TTC8: variants seen among roughly 807,000 people sequenced by gnomAD.
TTC8 encodes the protein tetratricopeptide repeat domain 8, also known as tetratricopeptide repeat protein 8.
A neutral mutation model predicts 72.5 loss-of-function variants in TTC8; 47 were observed. The observed-to-expected ratio is 0.65, with a 90% CI of 0.51 to 0.83. The LOEUF (loss-of-function observed/expected upper bound fraction) is 0.83. Ranked by LOEUF, TTC8 falls within the 40% of genes least tolerant of loss-of-function variation. The pLI, the probability that TTC8 is intolerant of heterozygous loss-of-function variation, is 0.00. For synonymous variants in TTC8, 199 were observed against 221.4 expected, an observed-to-expected ratio of 0.90 and a Z score of 0.90; for missense variants, 611 against 623.2, an observed-to-expected ratio of 0.98 and a Z score of 0.21.
downstream of TTC8, chr14:88,878,066 A>G (rs2094964057): frequency 6.6e-6 from 1 of 152,194 alleles, no homozygotes; most frequent in Non-Finnish European, 1.5e-5. Context: ...CAGTAATCTT[A>G]GAAATCATCA....
chr14:88,829,598 A>G (rs779111890), intron 1 of TTC8, among the ~76,000 whole-genome samples: 47 of 152,244 alleles, frequency 3.1e-4, no homozygotes, highest in Non-Finnish European at 1.3e-4. Flanking sequence ...TTTTCAGATT[A>G]TTAAAATCGG....
downstream of TTC8, chr14:88,878,558 C>T (rs1038340551): frequency 2.6e-5 from 4 of 152,256 alleles, no homozygotes; most frequent in East Asian, 1.9e-4. Flanking sequence ...AGCAAGGCCC[C>T]GCGTCACATC....
rs11159872 is a variant in TTC8 at position 88,826,246 on chromosome 14, C to G, written c.114+1425C>G. On this transcript the variant is annotated intron_variant, in intron 1 of 14. Coordinates refer to ENST00000380656, the MANE Select transcript of TTC8 (RefSeq NM_144596.4). ...CTCGTGATCCGTCTGCCTCGGCCTC[C>G]CAAAGTGTTGGGATTACAGGCATGA... is the stretch of plus-strand genomic sequence containing the variant. Among the ~76,000 whole-genome samples, 1,281 of 151,758 alleles carry G rather than the reference C, an allele frequency of 8.4e-3. 26 individuals are homozygous for G. Among genetic ancestry groups the G allele is most frequent in the African/African-American group, 0.029 (1,202 of 41,414 alleles).
intron 7 of TTC8, among the ~76,000 whole-genome samples, chr14:88,848,861 G>A (rs2094820654): frequency 6.6e-6 from 1 of 151,998 alleles, no homozygotes; most frequent in African/African-American, 2.4e-5. Flanking sequence ...TGGTACTAAC[G>A]GAGATTAAGT....
intron 10 of TTC8, among the ~76,000 whole-genome samples, chr14:88,863,876 C>G (rs1342659710): frequency 1.3e-5 from 2 of 152,050 alleles, no homozygotes; most frequent in African/African-American, 4.8e-5. Flanking sequence ...GTTCATAGGT[C>G]CTCTTGGATA....
At chr14:88,860,654 G>A (rs1418548465) in intron 9 of TTC8, among the ~76,000 whole-genome samples, 2 of 152,092 alleles carry the variant, frequency 1.3e-5, no homozygotes, top group Non-Finnish European at 2.9e-5. Flanking sequence ...TTCTTGTCTA[G>A]TTACTATTGC....
chr14:88,875,381 C>G (rs962083328), intron 14 of TTC8, among the ~76,000 whole-genome samples: 9 of 152,118 alleles, frequency 5.9e-5, no homozygotes, highest in African/African-American at 2.2e-4. Context: ...TGAAGAAATA[C>G]TCACTTAATA....
Position 88,857,178 on chromosome 14 carries a change from TG to T in TTC8, c.711-11del. On this transcript the variant is annotated splice_polypyrimidine_tract_variant and intron_variant, in intron 8 of 14. Transcript: ENST00000380656. ...AAGTTGAATGTCTAATTCTTAAAAT[TG>T]CTATTTGTAGGTTGGGAATGTATCG... is the stretch of plus-strand genomic sequence containing the variant. 1.2e-6 allele frequency: 2 copies of T among 1,612,728 alleles called. No homozygotes were observed. Among genetic ancestry groups the T allele is most frequent in the South Asian group, 2.2e-5 (2 of 91,048 alleles).
At chr14:88,853,359 G>C (rs2094842199) in intron 8 of TTC8, among the ~76,000 whole-genome samples, 2 of 152,318 alleles carry the variant, frequency 1.3e-5, no homozygotes, top group East Asian at 3.9e-4. Context: ...GTGAGTAACA[G>C]ACCAGGGACT....
In TTC8 at chr14:88,841,087, C is replaced by A. The variant is rs369803125; in HGVS notation, c.380C>A (p.Thr127Lys). The A allele has an allele frequency of 1.4e-5, 23 of 1,613,988 alleles. No individual in the cohort carries two copies. The South Asian group carries it at 2.5e-4, about 18-fold the overall frequency. ...RPITGFLRPS[T>K]QSGRPGTMEQ... ...ATTACAGGTTTCCTCAGGCCCAGCA[C>A]GCAGAGTGGAAGGCCAGGCACTATG... Residue 127 changes from threonine to lysine, a missense_variant, in exon 5 of 15, where the codon ACG (threonine) becomes AAG (lysine). Transcript: ENST00000380656.
At chr14:88,837,004 C>T in intron 2 of TTC8, 1 of 251,566 alleles carries the variant, frequency 4.0e-6, no homozygotes, top group Non-Finnish European at 8.2e-6. Flanking sequence ...GAGGTTGCAG[C>T]AAGCCGAGAT....
At position 88,861,325 on chromosome 14, in the gene TTC8, T is replaced by C. The variant is rs2094884928; in HGVS notation, c.902T>C (p.Ile301Thr). The change falls in exon 10 of 15, where the codon ATC (isoleucine) becomes ACC (threonine). Residue 301 changes from isoleucine (I) to threonine (T), a missense_variant. Transcript: ENST00000380656. ...EVTLLCGIAR[I>T]YEEMNNMSSA... ...ACCCTGCTCTGTGGAATTGCAAGAA[T>C]CTATGAGGTAATTCATGTTATTATT... 6.3e-7 allele frequency: 1 copy of C among 1,596,858 alleles called. No homozygotes were observed. Among genetic ancestry groups the C allele is most frequent in the Non-Finnish European group, 8.6e-7 (1 of 1,165,330 alleles).
intron 1 of TTC8, among the ~76,000 whole-genome samples, chr14:88,827,747 A>C (rs886343161): frequency 3.3e-5 from 5 of 152,234 alleles, no homozygotes; most frequent in Admixed American, 6.5e-5. Flanking sequence ...CCAAGCTTGA[A>C]GAAATCCTGC....
intron 7 of TTC8, among the ~76,000 whole-genome samples, chr14:88,844,920 T>G (rs1407441059): frequency 6.6e-6 from 1 of 152,082 alleles, no homozygotes; most frequent in African/African-American, 2.4e-5. Flanking sequence ...AATATGATAC[T>G]TTTTCCTGCC....
rs370527710 is a variant in TTC8, at chr14:88,824,795, A to G, written c.88A>G (p.Met30Val). 2.0e-5 allele frequency: 32 copies of G among 1,613,496 alleles called. No homozygotes were observed. Among genetic ancestry groups the G allele is most frequent in the Non-Finnish European group, 2.4e-5 (28 of 1,179,784 alleles). ...GCTCTGCGCCGATCTATGCACGCAG[A>G]TGCTGGAGAAGTCCCCTTATGACCA... ...FQLCADLCTQ[M>V]LEKSPYDQEP... is the part of the protein sequence containing the mutation. Residue 30 changes from methionine to valine, a missense_variant, in exon 1 of 15, where the codon ATG becomes GTG. Physicochemically the swap from Met to Val is conservative, Grantham distance 21 (BLOSUM62 1). Transcript: ENST00000380656.
At chr14:88,869,665 G>T (rs1177259077) in intron 10 of TTC8, among the ~76,000 whole-genome samples, 1 of 151,874 alleles carries the variant, frequency 6.6e-6, no homozygotes, top group Admixed American at 6.6e-5. Context: ...TCTTCCCTCT[G>T]CCCAGAGTGA....
chr14:88,828,812 A>G lies in TTC8; in HGVS notation c.114+3991A>G, dbSNP rs577727431. Among the ~76,000 whole-genome samples, 10 of 152,248 alleles carry G rather than the reference A, an allele frequency of 6.6e-5. No individual in the cohort carries two copies. In the South Asian group the frequency reaches 2.1e-3, roughly 32 times the overall value. On this transcript the variant is annotated intron_variant, in intron 1 of 14. Coordinates refer to ENST00000380656, the MANE Select transcript of TTC8 (RefSeq NM_144596.4). ...TGAGATGAAGGCCACCTCTAAGACT[A>G]TTTATATGCATTTATTTCGCCTTTA...
chr14:88,871,424 A>G lies in TTC8; in HGVS notation c.1050-125A>G. On this transcript the variant is annotated intron_variant, in intron 11 of 14. Coordinates refer to ENST00000380656, the MANE Select transcript of TTC8 (RefSeq NM_144596.4). This position sits in a 1 kb window ranked among gnomAD's most constrained non-coding sequence, Gnocchi z 4.1. ...TTCATTTACTATAACACGTATTTATATTCTTAAGGAGTATCAAAAATCACA... is the reference window on the plus strand; with the variant it reads ...TTCATTTACTATAACACGTATTTATGTTCTTAAGGAGTATCAAAAATCACA... 2 of 843,480 alleles carry G rather than the reference A, an allele frequency of 2.4e-6. No individual in the cohort carries two copies. Among genetic ancestry groups the G allele is most frequent in the East Asian group, 2.7e-5 (1 of 37,582 alleles). 52.2% of individuals were successfully genotyped at this position (843,480 alleles called of 1,614,324 possible).
Position 88,874,891 on chromosome 14 carries a change from G to T in TTC8, c.1348-135G>T, listed in dbSNP as rs58791656. The T allele has an allele frequency of 4.3e-3, 2,506 of 588,544 alleles. 36 individuals carry two copies. Among genetic ancestry groups the T allele is most frequent in the African/African-American group, 0.029 (1,553 of 53,036 alleles). The allele number at this position is 588,544 out of a possible 1,614,324, so 36.5% of individuals were successfully genotyped here. A position where few individuals can be genotyped will look rare whatever the true frequency, so the allele number is the denominator to read the frequency against. ...ATTGTATTTCATGAGGAATGTTGTC[G>T]GTATTTATCACAGGCTCGTGTTATT... On this transcript the variant is annotated intron_variant, in intron 13 of 14. Coordinates refer to ENST00000380656, the MANE Select transcript of TTC8 (RefSeq NM_144596.4).
Sources: allele counts gnomAD v4.1 joint callset (sites outside exome capture counted in the v4.1 genomes callset), GRCh38; gene constraint gnomAD v4.1.1; non-coding constraint Gnocchi (gnomAD v3.1); transcripts MANE v1.5; gene names NCBI Gene and HGNC (gene_info 2026-07-23, HGNC 2026-07-21).